Variants in NYX observed in about 807,000 individuals in gnomAD.
The protein encoded by NYX is leucine-rich repeat protein.
For missense variants in NYX, 481 were observed against 485.4 expected (o/e 0.99, Z 0.09); for synonymous variants, 258 against 245.7 (o/e 1.05, Z -0.47).
At position 41,456,371 on chromosome X, in the gene NYX, C is replaced by G. The variant is rs191343404; in HGVS notation, c.22+8445C>G. Among the ~76,000 whole-genome samples the G allele has an allele frequency of 2.6e-3, 292 of 111,188 alleles. 2 individuals carry two copies. Among genetic ancestry groups the G allele is most frequent in the African/African-American group, 9.3e-3 (286 of 30,604 alleles). ...GATGGTTCTAGAGAGATTAAGGGAG[C>G]CTGTCTGATTCAGGATATTGCTCAG... On this transcript the variant is annotated intron_variant, in intron 2 of 2. Transcript: ENST00000378220.
chrX:41,475,341 T>G lies in NYX; in HGVS notation c.*442T>G. 1 of 143,709 alleles carries G rather than the reference T, an allele frequency of 7.0e-6. No homozygotes were observed. The highest frequency in any genetic ancestry group is 2.0e-4 in the South Asian group (1 of 4,929). The allele number at this position is 143,709 out of a possible 1,213,427, so 11.8% of individuals were successfully genotyped here. A position where few individuals can be genotyped will look rare whatever the true frequency, so the allele number is the denominator to read the frequency against. On this transcript the variant is annotated 3_prime_UTR_variant, in exon 3 of 3. Coordinates refer to ENST00000378220, the MANE Select transcript of NYX (RefSeq NM_001378477.3). Reference sequence around the variant, plus strand: ...CGAAGTCCTTTGTTTTCTACCACAATCCTCCTCCTCCTCTCCAGGGGCCTG... The same window carrying G: ...CGAAGTCCTTTGTTTTCTACCACAAGCCTCCTCCTCCTCTCCAGGGGCCTG...
intron 2 of NYX, among the ~76,000 whole-genome samples, chrX:41,450,828 A>ATAT (rs2064276736): frequency 1.5e-5 from 1 of 68,214 alleles, no homozygotes; most frequent in Non-Finnish European, 2.6e-5. Context: ...ATATATATAT[A>ATAT]TTTTTTTTTT....
rs138725588 is a variant in NYX at position 41,460,316 on chromosome X, C to T, written c.22+12390C>T. ...TTGAGTAGCTGGGATTACAGGCACCCGCTACCACATCCGGCTAATTTTTGT... is the reference window on the plus strand; with the variant it reads ...TTGAGTAGCTGGGATTACAGGCACCTGCTACCACATCCGGCTAATTTTTGT... On this transcript the variant is annotated intron_variant, in intron 2 of 2. Transcript: ENST00000378220. Among the ~76,000 whole-genome samples the T allele has an allele frequency of 4.7e-4, 52 of 109,929 alleles. No individual in the cohort carries two copies. In the East Asian group the frequency reaches 0.014, roughly 30 times the overall value.
intron 2 of NYX, among the ~76,000 whole-genome samples, chrX:41,462,453 C>T (rs937396278): frequency 4.5e-5 from 5 of 112,274 alleles, no homozygotes; most frequent in Admixed American, 2.9e-4. Flanking sequence ...TGTTCTCCAA[C>T]ACTTGGCACC....
chrX:41,457,539 T>C (rs190678907), intron 2 of NYX, among the ~76,000 whole-genome samples: 139 of 106,520 alleles, frequency 1.3e-3, no homozygotes, highest in African/African-American at 4.5e-3. Flanking sequence ...ATTAAGACAA[T>C]ACACCAGCTT....
At chrX:41,473,326 G>A (rs368623757) in intron 2 of NYX, among the ~76,000 whole-genome samples, 165 bp from the exon 3 acceptor site, 36 of 111,325 alleles carry the variant, frequency 3.2e-4, no homozygotes, top group Middle Eastern at 9.3e-3. Flanking sequence ...GTGAGGCCGC[G>A]GAGGTGGGAA....
intron 2 of NYX, among the ~76,000 whole-genome samples, chrX:41,448,725 AT>A (rs1463449967): frequency 1.9e-5 from 2 of 106,984 alleles, no homozygotes; most frequent in Non-Finnish European, 3.8e-5. Context: ...CGCCCAGCTA[AT>A]TTTTTGTATT....
intron 2 of NYX, among the ~76,000 whole-genome samples, chrX:41,449,847 C>G (rs2064272525): frequency 9.0e-6 from 1 of 111,663 alleles, no homozygotes; most frequent in African/African-American, 3.3e-5. Flanking sequence ...TCCACATCCC[C>G]TGGCACTTTA....
Position 41,474,441 on chromosome X carries a change from C to T in NYX, c.973C>T (p.Arg325Cys). The change falls in exon 3 of 3, where the codon CGC (arginine) becomes TGC (cysteine). Residue 325 changes from arginine to cysteine, a missense_variant. Transcript: ENST00000378220. Reference sequence around the variant, plus strand: ...CTTCCAGCCCGGCTTCTTCCTGGGCCGCCTCTTCCTCTTCCGCAACCCGTG... The same window carrying T: ...CTTCCAGCCCGGCTTCTTCCTGGGCTGCCTCTTCCTCTTCCGCAACCCGTG... ...VAFQPGFFLGRLFLFRNPWCC... is the reference protein window; with the variant it reads ...VAFQPGFFLGCLFLFRNPWCC... 3 of 1,208,689 alleles carry T rather than the reference C, an allele frequency of 2.5e-6. No homozygotes were observed. The highest frequency in any genetic ancestry group is 3.4e-6 in the Non-Finnish European group (3 of 895,434).
chrX:41,474,074 C>G lies in NYX; in HGVS notation c.606C>G (p.Arg202=). Residue 202 remains arginine (R), a synonymous_variant, in exon 3 of 3, where the codon CGC becomes CGG. Coordinates refer to ENST00000378220, the MANE Select transcript of NYX (RefSeq NM_001378477.3). ...CCAGCTCGCTGCAGGGCCTGCGCCG[C>G]CTGCGCTCGCTCAGCCTGCAGGCCA... The part of the protein sequence containing the change: ...VASSSLQGLR[R]LRSLSLQANR... 2 of 1,082,964 alleles carry G rather than the reference C, an allele frequency of 1.8e-6. No homozygotes were observed. Among genetic ancestry groups the G allele is most frequent in the Non-Finnish European group, 2.4e-6 (2 of 839,658 alleles). 89.2% of individuals were successfully genotyped at this position (1,082,964 alleles called of 1,213,427 possible).
At chrX:41,464,223 G>A (rs924959114) in intron 2 of NYX, among the ~76,000 whole-genome samples, 4 of 107,681 alleles carry the variant, frequency 3.7e-5, no homozygotes, top group Admixed American at 2.0e-4. Context: ...TCCACTTACT[G>A]CAACCTCTGT....
chrX:41,460,374 G>T (rs749626006), intron 2 of NYX, among the ~76,000 whole-genome samples: 1 of 110,951 alleles, frequency 9.0e-6, no homozygotes, highest in Admixed American at 9.6e-5. Flanking sequence ...CGCCATGTTG[G>T]CGGGGCTGTT....
chrX:41,460,896 T>C (rs2064316630), intron 2 of NYX, among the ~76,000 whole-genome samples: 1 of 98,360 alleles, frequency 1.0e-5, no homozygotes, highest in Non-Finnish European at 2.0e-5. Context: ...TTTTTTTTTT[T>C]TTTTTTTTTT....
chrX:41,464,696 T>TG (rs58499732), intron 2 of NYX, among the ~76,000 whole-genome samples: 129 of 110,552 alleles, frequency 1.2e-3, no homozygotes, highest in Non-Finnish European at 1.8e-3. Flanking sequence ...TGTGTGTGTG[T>TG]TTTATGTTAC....
chrX:41,468,716 G>C (rs761555864), intron 2 of NYX, among the ~76,000 whole-genome samples: 21 of 112,453 alleles, frequency 1.9e-4, no homozygotes, highest in Admixed American at 1.6e-3. Context: ...ATAAACATGA[G>C]TCATATGACT....
intron 2 of NYX, among the ~76,000 whole-genome samples, chrX:41,463,987 T>C (rs1332810602): frequency 8.9e-6 from 1 of 112,227 alleles, no homozygotes; most frequent in Non-Finnish European, 1.9e-5. Context: ...CTTCATTTCC[T>C]GTGCAGAAGA....
Position 41,474,826 on chromosome X carries a change from C to A in NYX, c.1358C>A (p.Pro453His). The change falls in exon 3 of 3, where the codon CCC becomes CAC. Residue 453 changes from proline (P) to histidine (H), a missense_variant. Pro to His is a moderately conservative substitution (Grantham distance 77, BLOSUM62 -2). Coordinates refer to ENST00000378220, the MANE Select transcript of NYX (RefSeq NM_001378477.3). ...SRGVGGAGRQ[P>H]WFLLASCLLP... ...GGGGTGGGAGGCGCGGGCCGGCAGC[C>A]CTGGTTTCTCCTCGCCTCTTGTCTC... The A allele has an allele frequency of 2.5e-6, 3 of 1,206,021 alleles. No homozygotes were observed.
intron 2 of NYX, among the ~76,000 whole-genome samples, chrX:41,469,924 T>A (rs2064353118): frequency 9.0e-6 from 1 of 111,167 alleles, no homozygotes; most frequent in Non-Finnish European, 1.9e-5. Flanking sequence ...TCCATTCAAA[T>A]GCTCAAAATG....
Position 41,473,711 on chromosome X carries a change from G to A in NYX, c.243G>A (p.Pro81=), listed in dbSNP as rs2147025428. 1.7e-5 allele frequency: 19 copies of A among 1,151,331 alleles called. No homozygotes were observed. Among genetic ancestry groups the A allele is most frequent in the Non-Finnish European group, 1.7e-5 (15 of 871,059 alleles). The allele number at this position is 1,151,331 out of a possible 1,213,427, so 94.9% of individuals were successfully genotyped here. A position where few individuals can be genotyped will look rare whatever the true frequency, so the allele number is the denominator to read the frequency against. Residue 81 remains proline, a synonymous_variant, in exon 3 of 3, where the codon CCG becomes CCA. Transcript: ENST00000378220. ...FLGERAFGTL[P]SLRRLSLRHN... Reference sequence around the variant, plus strand: ...GCGAGCGAGCCTTCGGCACGCTGCCGTCCTTGCGCCGCCTGTCGCTGCGCC... The same window carrying A: ...GCGAGCGAGCCTTCGGCACGCTGCCATCCTTGCGCCGCCTGTCGCTGCGCC...
Sources: allele counts gnomAD v4.1 joint callset (sites outside exome capture counted in the v4.1 genomes callset), GRCh38; gene constraint gnomAD v4.1.1; transcripts MANE v1.5; gene names NCBI Gene and HGNC (gene_info 2026-07-23, HGNC 2026-07-21).